The following LY86 variants were observed in gnomAD, a reference collection of about 807,000 sequenced individuals.
LY86 encodes the protein MD-1, RP105-associated.
Under a neutral mutation model 17.3 loss-of-function variants are expected in LY86, and 20 were observed. The observed-to-expected ratio is 1.15, with a 90% confidence interval of 0.81 to 1.68. The LOEUF (loss-of-function observed/expected upper bound fraction) is 1.68. LY86 is among the 40% of genes most tolerant of loss of function. The pLI is 0.00. For missense variants in LY86, 200 were observed against 191.9 expected, an observed-to-expected ratio of 1.04 and a Z score of -0.25; for synonymous variants, 74 against 70.6, an observed-to-expected ratio of 1.05 and a Z score of -0.24.
chr6:6,606,020 C>CA (rs1455267905), intron 1 of LY86, among the ~76,000 whole-genome samples: 10 of 152,208 alleles, frequency 6.6e-5, no homozygotes, highest in African/African-American at 2.4e-4. Context: ...AACAAAACTT[C>CA]CACAGCACGT....
intron 3 of LY86, among the ~76,000 whole-genome samples, chr6:6,635,525 G>C (rs1024636382): frequency 6.6e-6 from 1 of 152,148 alleles, no homozygotes; most frequent in African/African-American, 2.4e-5. Flanking sequence ...ACTGCAGAAA[G>C]TGAAACTGCA....
chr6:6,606,026 C>T (rs936934005), intron 1 of LY86, among the ~76,000 whole-genome samples: 7 of 152,332 alleles, frequency 4.6e-5, no homozygotes, highest in Admixed American at 6.5e-5. Context: ...ACTTCCACAG[C>T]ACGTAATACT....
intron 1 of LY86, among the ~76,000 whole-genome samples, chr6:6,605,614 A>G (rs1761093690): frequency 6.6e-6 from 1 of 152,284 alleles, no homozygotes; most frequent in African/African-American, 2.4e-5. Flanking sequence ...TTGCAGCCTC[A>G]TCTCAGAAGC....
intron 2 of LY86, among the ~76,000 whole-genome samples, chr6:6,625,285 CA>C (rs544780995): frequency 1.6e-4 from 24 of 149,052 alleles, no homozygotes; most frequent in Non-Finnish European, 2.7e-4. Context: ...GTATACCCAG[CA>C]AAAAAAAAGG....
chr6:6,598,676 A>C (rs935467437), intron 1 of LY86, among the ~76,000 whole-genome samples: 1 of 152,190 alleles, frequency 6.6e-6, no homozygotes, highest in Non-Finnish European at 1.5e-5. Flanking sequence ...GTGCTAAGTC[A>C]GTGTCTTGTA....
intron 1 of LY86, among the ~76,000 whole-genome samples, chr6:6,610,780 T>C (rs569851836): frequency 6.6e-6 from 1 of 152,284 alleles, no homozygotes; most frequent in South Asian, 2.1e-4. Flanking sequence ...ACAAATGGTG[T>C]AGAAATTCTA....
At chr6:6,600,616 A>T (rs1215643627) in intron 1 of LY86, among the ~76,000 whole-genome samples, 14 of 137,618 alleles carry the variant, frequency 1.0e-4, no homozygotes, top group African/African-American at 3.4e-4. Context: ...AAAAAAAAAA[A>T]AAAAAAAAAA....
chr6:6,617,300 A>C (rs1761576506), intron 1 of LY86, among the ~76,000 whole-genome samples: 1 of 152,164 alleles, frequency 6.6e-6, no homozygotes, highest in Non-Finnish European at 1.5e-5. Flanking sequence ...CGCATATTAG[A>C]CAGTTAAGAA....
chr6:6,603,129 C>A (rs527579926), intron 1 of LY86, among the ~76,000 whole-genome samples: 6 of 152,246 alleles, frequency 3.9e-5, no homozygotes, highest in Admixed American at 6.5e-5. Flanking sequence ...TCCCTCAGGC[C>A]TCTTTTATGA....
intron 1 of LY86, among the ~76,000 whole-genome samples, chr6:6,605,887 G>C (rs141167229): frequency 1.3e-5 from 2 of 148,356 alleles, no homozygotes; most frequent in South Asian, 2.1e-4. Flanking sequence ...TCTCGCGGTG[G>C]GTTCTTAGTC....
At chr6:6,646,152 C>A (rs1472397594) in intron 3 of LY86, among the ~76,000 whole-genome samples, 1 of 152,108 alleles carries the variant, frequency 6.6e-6, no homozygotes, top group African/African-American at 2.4e-5. Flanking sequence ...GACAAATGAA[C>A]CCCGGGCAGG....
rs1762236880 is a variant in LY86, at chr6:6,654,796, C to T, written c.*169C>T. 1 of 606,218 alleles carries T rather than the reference C, an allele frequency of 1.6e-6. No individual in the cohort carries two copies. Among genetic ancestry groups the T allele is most frequent in the Non-Finnish European group, 2.9e-6 (1 of 341,088 alleles). 37.6% of individuals were successfully genotyped at this position (606,218 alleles called of 1,614,324 possible). On this transcript the variant is annotated 3_prime_UTR_variant, in exon 5 of 5. Coordinates refer to ENST00000230568, the MANE Select transcript of LY86 (RefSeq NM_004271.4). ...TTTTAGTCCCAGGACCAGACATCCC[C>T]AGACTCCACAGATGTAATGAAGTCC...
intron 1 of LY86, among the ~76,000 whole-genome samples, chr6:6,605,358 C>G (rs924388080): frequency 3.3e-5 from 5 of 152,226 alleles, no homozygotes; most frequent in African/African-American, 1.2e-4. Context: ...GTAGTCAATT[C>G]TAGGCTTGGC....
chr6:6,616,951 C>A (rs1761569955), intron 1 of LY86, among the ~76,000 whole-genome samples: 1 of 152,188 alleles, frequency 6.6e-6, no homozygotes, highest in South Asian at 2.1e-4. Flanking sequence ...TGTCATGGTT[C>A]CCGCTGTCCC....
intron 4 of LY86, among the ~76,000 whole-genome samples, chr6:6,654,251 A>G (rs9392118): frequency 0.13 from 20,229 of 152,260 alleles, 1,581 homozygotes; most frequent in South Asian, 0.23. Context: ...TCAAAATTGC[A>G]GACCAGCACT....
At chr6:6,592,060 G>A (rs1055461686) in intron 1 of LY86, among the ~76,000 whole-genome samples, 1 of 151,612 alleles carries the variant, frequency 6.6e-6, no homozygotes, top group Admixed American at 6.6e-5. Context: ...ATTTTGAATT[G>A]GAAGCTATTT....
Position 6,588,834 on chromosome 6 carries a change from A to G in LY86, c.100A>G (p.Ser34Gly), listed in dbSNP as rs768042180. The G allele has an allele frequency of 1.2e-6, 2 of 1,613,948 alleles. No homozygotes were observed. Among genetic ancestry groups the G allele is most frequent in the Non-Finnish European group, 1.7e-6 (2 of 1,179,986 alleles). Reference sequence around the variant, plus strand: ...AGCCTGGCCCACACACGTGGTCTGTAGCGACAGCGGCTTGGAAGTGCTCTA... The same window carrying G: ...AGCCTGGCCCACACACGTGGTCTGTGGCGACAGCGGCTTGGAAGTGCTCTA... Reference protein sequence around the residue: ...GKAWPTHVVCSDSGLEVLYQS... With the variant: ...GKAWPTHVVCGDSGLEVLYQS... The change falls in exon 1 of 5, where the codon AGC (serine) becomes GGC (glycine). Residue 34 changes from serine to glycine, a missense_variant. Transcript: ENST00000230568.
chr6:6,649,596 C>T (rs1762156761), intron 3 of LY86, 29 bp from the exon 4 acceptor site: 4 of 1,376,556 alleles, frequency 2.9e-6, no homozygotes, highest in Admixed American at 2.0e-5. Context: ...GATTGAATAA[C>T]ATCATCTATG....
intron 1 of LY86, among the ~76,000 whole-genome samples, chr6:6,623,134 G>T (rs1241534045): frequency 1.3e-5 from 2 of 152,338 alleles, no homozygotes; most frequent in East Asian, 1.9e-4. Flanking sequence ...TTAACAGAGA[G>T]AATTTGATAT....
Sources: allele counts gnomAD v4.1 joint callset (sites outside exome capture counted in the v4.1 genomes callset), GRCh38; gene constraint gnomAD v4.1.1; transcripts MANE v1.5; gene names NCBI Gene and HGNC (gene_info 2026-07-23, HGNC 2026-07-21).